The following RECQL5 variants were observed in gnomAD, a reference collection of about 807,000 sequenced individuals.
RECQL5 encodes the protein RecQ like helicase 5.
In RECQL5, 88 loss-of-function variants were observed where a neutral mutation model predicts 103.4. The ratio of observed to expected loss-of-function variants is 0.85; its 90% CI spans 0.72 to 1.02. The LOEUF (loss-of-function observed/expected upper bound fraction) is 1.02. RECQL5 is among the 50% of genes least tolerant of loss of function. The pLI is 0.00. For missense variants in RECQL5, 1,232 were observed against 1,284.3 expected (o/e 0.96, Z 0.62); for synonymous variants, 552 against 507.9 (o/e 1.09, Z -1.17).
chr17:75,628,823 G>A, intron 16 of RECQL5, 61 bp from the exon 17 acceptor site: 1 of 1,602,268 alleles, frequency 6.2e-7, no homozygotes, highest in South Asian at 1.1e-5. Context: ...CATCCCAGGA[G>A]GCCTAGGAGA....
At chr17:75,642,374 A>C (rs1448543044) in intron 8 of RECQL5, among the ~76,000 whole-genome samples, 1 of 152,130 alleles carries the variant, frequency 6.6e-6, no homozygotes, top group South Asian at 2.1e-4. Flanking sequence ...TACCTGGGAA[A>C]CATGTCATGG....
chr17:75,661,160 C>A, intron 5 of RECQL5, 94 bp from the exon 6 acceptor site: 1 of 903,482 alleles, frequency 1.1e-6, no homozygotes, highest in South Asian at 1.3e-5. Flanking sequence ...CTAGGCACTT[C>A]ACAAACCCTG....
intron 8 of RECQL5, chr17:75,649,802 A>G (rs1231821013): frequency 1.0e-6 from 1 of 985,468 alleles, no homozygotes; most frequent in Non-Finnish European, 1.2e-6. Context: ...GCTGCTCAAG[A>G]GGCAGCGCAA....
At position 75,628,217 on chromosome 17, in the gene RECQL5, C is replaced by A; in HGVS notation, c.2805+1G>T. The A allele has an allele frequency of 6.2e-7, 1 of 1,613,616 alleles. No homozygotes were observed. Among genetic ancestry groups the A allele is most frequent in the Non-Finnish European group, 8.5e-7 (1 of 1,179,602 alleles). ...AGGCAGAGCCCACTCACTCCCCCTA[C>A]CTTGGAAGCAAACTTGCCCTCCTTG... On this transcript the variant is annotated splice_donor_variant, in intron 18 of 19. Transcript: ENST00000317905. LOFTEE classifies it high-confidence loss of function.
intron 17 of RECQL5, 52 bp downstream of exon 17, chr17:75,628,620 G>T: frequency 6.5e-7 from 1 of 1,534,972 alleles, no homozygotes. Context: ...ACAGCTCCTG[G>T]CCTCGCCCAC....
At chr17:75,632,475 C>T (rs571673820) in intron 8 of RECQL5, among the ~76,000 whole-genome samples, 20 of 152,366 alleles carry the variant, frequency 1.3e-4, no homozygotes, top group Admixed American at 1.1e-3. Flanking sequence ...AAGGCAGGCA[C>T]GGCTGTGTAG....
At chr17:75,639,871 C>G (rs921580950) in intron 8 of RECQL5, 2 of 247,040 alleles carry the variant, frequency 8.1e-6, no homozygotes, top group African/African-American at 4.5e-5. Flanking sequence ...AGTGGTACCT[C>G]AAGACAAGGG....
At chr17:75,663,977 C>T (rs901034168) in intron 3 of RECQL5, among the ~76,000 whole-genome samples, 71 of 147,802 alleles carry the variant, frequency 4.8e-4, no homozygotes, top group African/African-American at 1.7e-3. Context: ...CTGCTTGAAC[C>T]CGGGAGGCGG....
rs140472576 is a variant in RECQL5 at position 75,666,892 on chromosome 17, A to G, written c.-15+152T>C. ...GAGAACGGGGAACCGTTTTCCTAAG[A>G]TCCACCACCTGCTCCTACTTCTATA... On this transcript the variant is annotated intron_variant, in intron 1 of 19. Coordinates refer to ENST00000317905, the MANE Select transcript of RECQL5 (RefSeq NM_004259.7). 5 of 278,650 alleles carry G rather than the reference A, an allele frequency of 1.8e-5. No homozygotes were observed. In the East Asian group the frequency reaches 4.8e-4, roughly 27 times the overall value. 17.3% of individuals were successfully genotyped at this position (278,650 alleles called of 1,614,324 possible). A position where few individuals can be genotyped will look rare whatever the true frequency, so the allele number is the denominator to read the frequency against.
chr17:75,640,178 GCC>G lies in RECQL5; in HGVS notation c.1230-8512_1230-8511del. 1 of 1,534,700 alleles carries G rather than the reference GCC, an allele frequency of 6.5e-7. No individual in the cohort carries two copies. The highest frequency in any genetic ancestry group is 8.8e-7 in the Non-Finnish European group (1 of 1,140,568). On this transcript the variant is annotated intron_variant, in intron 8 of 19. Transcript: ENST00000317905. The surrounding 1 kb of genome is among the most constrained non-coding windows in gnomAD (Gnocchi z 4.6). ...TCTGCCCCAGCAGAGCCCGGCAGGA[GCC>G]CCAACAGGAAGCCAGCGCGGCATGG...
At chr17:75,628,465 G>A in intron 17 of RECQL5, 23 bp from the exon 18 acceptor site, 1 of 1,608,672 alleles carries the variant, frequency 6.2e-7, no homozygotes, top group Non-Finnish European at 8.5e-7. Context: ...ACAGCAGAGG[G>A]TCACTCCTGA....
intron 7 of RECQL5, among the ~76,000 whole-genome samples, chr17:75,655,969 ACTGCTCCTGGC>A (rs1182066213): frequency 6.6e-6 from 1 of 152,122 alleles, no homozygotes; most frequent in Non-Finnish European, 1.5e-5. Context: ...GGCAAGAGCC[ACTGCTCCTGGC>A]CCCAGAGCTT....
In RECQL5 at chr17:75,640,701, AC is replaced by A; in HGVS notation, c.1230-9034del. ...CCTCCACCAAACCTGTGGGGGAAAG[AC>A]CCTGGCAGGCAGTGGGTTTCTCTGG... On this transcript the variant is annotated intron_variant, in intron 8 of 19. Coordinates refer to ENST00000317905, the MANE Select transcript of RECQL5 (RefSeq NM_004259.7). This position sits in a 1 kb window ranked among gnomAD's most constrained non-coding sequence, Gnocchi z 4.6. The A allele has an allele frequency of 1.3e-6, 2 of 1,504,138 alleles. No homozygotes were observed. Among genetic ancestry groups the A allele is most frequent in the Non-Finnish European group, 1.8e-6 (2 of 1,122,418 alleles). 93.2% of individuals were successfully genotyped at this position (1,504,138 alleles called of 1,614,324 possible). A position where few individuals can be genotyped will look rare whatever the true frequency, so the allele number is the denominator to read the frequency against.
intron 16 of RECQL5, 27 bp downstream of exon 16, chr17:75,628,907 A>T: frequency 1.9e-6 from 3 of 1,582,014 alleles, no homozygotes; most frequent in Non-Finnish European, 2.6e-6. Context: ...AGGTTCCAGA[A>T]GATTCTATGA....
intron 7 of RECQL5, among the ~76,000 whole-genome samples, chr17:75,653,070 G>A (rs1039667909): frequency 6.6e-6 from 1 of 152,204 alleles, no homozygotes. Context: ...GTGGTGGGGC[G>A]GAGGGAGGTG....
Position 75,665,135 on chromosome 17 carries a change from T to C in RECQL5, c.168A>G (p.Ala56=). Reference sequence around the variant, plus strand: ...GGAGCTGATAGCATAGGGATTTTCCTGCCCCTGTGGGCATGCACACAAAGA... The same window carrying C: ...GGAGCTGATAGCATAGGGATTTTCCCGCCCCTGTGGGCATGCACACAAAGA... The part of the protein sequence containing the change: ...KDVFVCMPTG[A]GKSLCYQLPA... Residue 56 remains alanine (A), a synonymous_variant, in exon 3 of 20, where the codon GCA becomes GCG. Coordinates refer to ENST00000317905, the MANE Select transcript of RECQL5 (RefSeq NM_004259.7). 6.2e-7 allele frequency: 1 copy of C among 1,612,478 alleles called. No homozygotes were observed. Among genetic ancestry groups the C allele is most frequent in the Non-Finnish European group, 8.5e-7 (1 of 1,179,420 alleles).
At position 75,629,269 on chromosome 17, in the gene RECQL5, T is replaced by C; in HGVS notation, c.2154A>G (p.Gly718=). Residue 718 remains glycine, a synonymous_variant, in exon 16 of 20, where the codon GGA becomes GGG. Transcript: ENST00000317905. The stretch of plus-strand genomic sequence containing the variant: ...AGGGCCCCCCATAGTGAGCGCTGCC[T>C]CCAGGGACCTCCCCTCTGGGCCCAG... ...PLPGPRGEVP[G]GSAHYGGPSP... is the part of the protein sequence containing the mutation. The C allele has an allele frequency of 6.2e-7, 1 of 1,605,394 alleles. No homozygotes were observed. Among genetic ancestry groups the C allele is most frequent in the Non-Finnish European group, 8.5e-7 (1 of 1,174,730 alleles).
In RECQL5 at chr17:75,628,955, T is replaced by C; in HGVS notation, c.2468A>G (p.Glu823Gly). Residue 823 changes from glutamate (E) to glycine (G), a missense_variant, in exon 16 of 20, where the codon GAG becomes GGG. Glu to Gly is a moderately conservative substitution (Grantham distance 98). Transcript: ENST00000317905. ...TTACCTTGGCCTCTCCCTGAGGCAC[T>C]CCTCAGTCTGGGGAGGGGCAGGCGA... ...GHSPAPPQTE[E>G]CLRERPSTCP... 1 of 1,570,546 alleles carries C rather than the reference T, an allele frequency of 6.4e-7. No individual in the cohort carries two copies. The highest frequency in any genetic ancestry group is 8.6e-7 in the Non-Finnish European group (1 of 1,163,122).
chr17:75,630,533 A>C, intron 13 of RECQL5, 86 bp downstream of exon 13: 1 of 1,442,576 alleles, frequency 6.9e-7, no homozygotes, highest in Non-Finnish European at 9.7e-7. Flanking sequence ...GAGGTGGCCC[A>C]AACAGGCCAG....
Sources: allele counts gnomAD v4.1 joint callset (sites outside exome capture counted in the v4.1 genomes callset), GRCh38; gene constraint gnomAD v4.1.1; non-coding constraint Gnocchi (gnomAD v3.1); transcripts MANE v1.5; gene names NCBI Gene and HGNC (gene_info 2026-07-23, HGNC 2026-07-21).